RYR2: variants seen among roughly 807,000 people sequenced by gnomAD.
The protein encoded by RYR2 is cardiac muscle ryanodine receptor-calcium release channel.
RYR2 carries 227 observed loss-of-function variants against 601.1 expected under a neutral mutation model. That is an observed-to-expected ratio of 0.38 (90% CI 0.34 to 0.42). The LOEUF is 0.42. Among genes scored for constraint, RYR2 ranks in the 10% least tolerant of loss-of-function variants. RYR2 has a pLI of 1.00. For missense variants in RYR2, 4,646 were observed against 6,156.5 expected, an observed-to-expected ratio of 0.75 and a Z score of 8.21; for synonymous variants, 2,223 against 2,175.1, an observed-to-expected ratio of 1.02 and a Z score of -0.61.
chr1:237,297,061 G>A lies in RYR2; in HGVS notation c.168+26445G>A, dbSNP rs1288398278. Among the ~76,000 whole-genome samples the A allele has an allele frequency of 3.3e-5, 5 of 152,194 alleles. No homozygotes were observed. The East Asian group carries it at 5.8e-4, about 18-fold the overall frequency. On this transcript the variant is annotated intron_variant, in intron 2 of 104. Coordinates refer to ENST00000366574, the MANE Select transcript of RYR2 (RefSeq NM_001035.3). ...ATAAAATCACAATTTTGGAAATGAC[G>A]TAACAAATGAATGTATCTGGAAAAA... is the stretch of plus-strand genomic sequence containing the variant.
intron 5 of RYR2, among the ~76,000 whole-genome samples, chr1:237,365,198 G>T (rs751448474): frequency 6.6e-6 from 1 of 152,114 alleles, no homozygotes; most frequent in Admixed American, 6.6e-5. Flanking sequence ...ATTAATAAAG[G>T]CTTAAAAGAA....
chr1:237,376,335 T>G (rs1424031318), intron 7 of RYR2, among the ~76,000 whole-genome samples: 1 of 152,184 alleles, frequency 6.6e-6, no homozygotes, highest in Non-Finnish European at 1.5e-5. Context: ...ACTTATTCAC[T>G]CATGCAAAAT....
chr1:237,493,987 A>G (rs954274327), intron 19 of RYR2, among the ~76,000 whole-genome samples: 1 of 152,114 alleles, frequency 6.6e-6, no homozygotes, highest in African/African-American at 2.4e-5. Flanking sequence ...TTTATAGACG[A>G]AAAAACTGGA....
intron 47 of RYR2, among the ~76,000 whole-genome samples, chr1:237,642,049 A>G (rs1681612181): frequency 6.6e-6 from 1 of 152,244 alleles, no homozygotes; most frequent in South Asian, 2.1e-4. Context: ...ACAAACCCAG[A>G]GTTTGAGAGT....
chr1:237,118,501 A>T (rs1670390197), intron 1 of RYR2, among the ~76,000 whole-genome samples: 2 of 152,046 alleles, frequency 1.3e-5, no homozygotes, highest in Non-Finnish European at 2.9e-5. Context: ...GTAGCTATTC[A>T]GAAATAGTCT....
chr1:237,797,349 G>T (rs1659379477), intron 96 of RYR2, among the ~76,000 whole-genome samples: 1 of 151,804 alleles, frequency 6.6e-6, no homozygotes, highest in Admixed American at 6.6e-5. Flanking sequence ...AATGAGGATG[G>T]TGACAAGGTT....
chr1:237,400,457 G>A (rs1049580722), intron 10 of RYR2, among the ~76,000 whole-genome samples: 4 of 152,104 alleles, frequency 2.6e-5, no homozygotes, highest in African/African-American at 4.8e-5. Flanking sequence ...CAGACTGGAA[G>A]GGGGCATGTA....
chr1:237,314,224 C>G (rs906451267), intron 2 of RYR2, among the ~76,000 whole-genome samples: 2 of 151,886 alleles, frequency 1.3e-5, no homozygotes, highest in Admixed American at 1.3e-4. Context: ...GCAACCACGC[C>G]CAGCTAATTT....
intron 17 of RYR2, among the ~76,000 whole-genome samples, chr1:237,477,799 C>G (rs1339862613): frequency 1.3e-5 from 2 of 151,420 alleles, no homozygotes; most frequent in Non-Finnish European, 2.9e-5. Flanking sequence ...CTTGATGGCC[C>G]TTTTAGTCCT....
intron 1 of RYR2, among the ~76,000 whole-genome samples, chr1:237,110,935 C>G (rs184441578): frequency 3.9e-4 from 60 of 152,292 alleles, no homozygotes; most frequent in African/African-American, 1.4e-3. Flanking sequence ...TGAAGTCCCC[C>G]TTTAATGAGA....
intron 2 of RYR2, among the ~76,000 whole-genome samples, 195 bp from the exon 3 acceptor site, chr1:237,330,683 C>T (rs543916326): frequency 2.0e-5 from 3 of 152,188 alleles, no homozygotes; most frequent in African/African-American, 4.8e-5. Flanking sequence ...CCACCGCACC[C>T]GGCCACTATC....
Position 237,732,738 on chromosome 1 carries a change from T to C in RYR2, c.11039+589T>C, listed in dbSNP as rs142476064. On this transcript the variant is annotated intron_variant, in intron 78 of 104. Transcript: ENST00000366574. ...GCACTGGTAGGCCTGATCGTCAAAA[T>C]GTGCTCAGCATCTGTCATTACGGAG... is the stretch of plus-strand genomic sequence containing the variant. Among the ~76,000 whole-genome samples the C allele has an allele frequency of 2.9e-3, 449 of 152,292 alleles. 1 individual carries two copies. Among genetic ancestry groups the C allele is most frequent in the African/African-American group, 9.8e-3 (409 of 41,566 alleles).
Position 237,832,653 on chromosome 1 carries a change from G to C in RYR2, c.*6G>C, listed in dbSNP as rs1430338554. The C allele has an allele frequency of 3.1e-6, 5 of 1,593,230 alleles. No homozygotes were observed. The highest frequency in any genetic ancestry group is 4.3e-6 in the Non-Finnish European group (5 of 1,162,838). The stretch of plus-strand genomic sequence containing the variant: ...ATGAAGACCAGCTAAATTAAACTCA[G>C]ACCCAATCACCTCTAAAAACCAAAA... On this transcript the variant is annotated 3_prime_UTR_variant, in exon 105 of 105. Transcript: ENST00000366574.
intron 1 of RYR2, among the ~76,000 whole-genome samples, chr1:237,252,119 A>G (rs1687523218): frequency 1.3e-5 from 2 of 151,512 alleles, no homozygotes; most frequent in Admixed American, 6.6e-5. Flanking sequence ...GGAATGAGTC[A>G]TGTCCTTCCT....
intron 2 of RYR2, among the ~76,000 whole-genome samples, chr1:237,312,670 C>T (rs1484973285): frequency 6.6e-6 from 1 of 152,036 alleles, no homozygotes; most frequent in African/African-American, 2.4e-5. Context: ...CATAGGGAGA[C>T]TATAAACTTA....
chr1:237,592,114 T>C (rs1299257697), intron 32 of RYR2, among the ~76,000 whole-genome samples: 1 of 152,188 alleles, frequency 6.6e-6, no homozygotes, highest in Non-Finnish European at 1.5e-5. Context: ...TTGACAAAAT[T>C]TTAAATTGCC....
In RYR2 at chr1:237,621,366, T is replaced by C. The variant is rs567990312; in HGVS notation, c.5917-2399T>C. On this transcript the variant is annotated intron_variant, in intron 38 of 104. Coordinates refer to ENST00000366574, the MANE Select transcript of RYR2 (RefSeq NM_001035.3). ...CTTCAAGAATTTTGAAAACAAAGAGTAAAATAAACCTAAAGCAAGCAGAAA... is the reference window on the plus strand; with the variant it reads ...CTTCAAGAATTTTGAAAACAAAGAGCAAAATAAACCTAAAGCAAGCAGAAA... Among the ~76,000 whole-genome samples the C allele has an allele frequency of 2.3e-4, 35 of 150,820 alleles. 1 individual carries two copies. Among genetic ancestry groups the C allele is most frequent in the Admixed American group, 1.8e-3 (28 of 15,142 alleles).
chr1:237,445,544 T>C (rs1708255715), intron 14 of RYR2, 22 bp downstream of exon 14: 2 of 1,612,286 alleles, frequency 1.2e-6, no homozygotes, highest in South Asian at 1.1e-5. Context: ...TTTGTAGGCG[T>C]AGTTGTTTGA....
chr1:237,565,133 TTC>T lies in RYR2; in HGVS notation c.3215-1432_3215-1431del, dbSNP rs1278800163. Among the ~76,000 whole-genome samples the T allele has an allele frequency of 3.3e-4, 37 of 111,516 alleles. 1 individual carries two copies. The highest frequency in any genetic ancestry group is 3.0e-3 in the South Asian group (8 of 2,628). 73.2% of individuals were successfully genotyped at this position (111,516 alleles called of 152,430 possible). ...TCTTTCTTTTTCTTTCTTTCTTTCTTTCTTTCTTTTTCTTTCTTTCTTTCTCT... is the reference window on the plus strand; with the variant it reads ...TCTTTCTTTTTCTTTCTTTCTTTCTTTTTCTTTTTCTTTCTTTCTTTCTCT... On this transcript the variant is annotated intron_variant, in intron 27 of 104. Transcript: ENST00000366574.
Sources: allele counts gnomAD v4.1 joint callset (sites outside exome capture counted in the v4.1 genomes callset), GRCh38; gene constraint gnomAD v4.1.1; transcripts MANE v1.5; gene names NCBI Gene and HGNC (gene_info 2026-07-23, HGNC 2026-07-21).